Variants in CLMN observed in about 807,000 individuals in gnomAD.
CLMN encodes the protein calmin (calponin-like, transmembrane).
A neutral mutation model predicts 92.7 loss-of-function variants in CLMN; 57 were observed. The observed-to-expected ratio is 0.61, with a 90% CI of 0.50 to 0.77. The LOEUF (loss-of-function observed/expected upper bound fraction) is 0.77, where lower values mean the gene tolerates loss of function less well. CLMN is among the 30% of genes least tolerant of loss of function. CLMN has a pLI of 0.00. For missense variants in CLMN, 1,158 were observed against 1,237.5 expected (o/e 0.94, Z 0.96); for synonymous variants, 466 against 470.6 (o/e 0.99, Z 0.13).
At chr14:95,220,418 C>A (rs887575418) in intron 4 of CLMN, among the ~76,000 whole-genome samples, 7 of 152,132 alleles carry the variant, frequency 4.6e-5, no homozygotes, top group Non-Finnish European at 8.8e-5. Context: ...CTCAGGTGAT[C>A]CACCCGCCTC....
intron 1 of CLMN, among the ~76,000 whole-genome samples, chr14:95,232,772 GAGA>G (rs1425784879): frequency 1.3e-5 from 2 of 152,186 alleles, no homozygotes; most frequent in African/African-American, 4.8e-5. Flanking sequence ...AGCTCTATCG[GAGA>G]TCCTTCCACT....
At chr14:95,312,600 C>G (rs932478350) in intron 1 of CLMN, among the ~76,000 whole-genome samples, 8 of 152,192 alleles carry the variant, frequency 5.3e-5, no homozygotes, top group African/African-American at 1.9e-4. Flanking sequence ...CGTAGGGAGG[C>G]TGGCCGGCCT....
chr14:95,319,474 C>T (rs1366080489), intron 1 of CLMN, among the ~76,000 whole-genome samples: 4 of 152,186 alleles, frequency 2.6e-5, no homozygotes, highest in Non-Finnish European at 4.4e-5. Context: ...AGCCCTCGCC[C>T]CACAACACAC....
In CLMN at chr14:95,202,819, A is replaced by G; in HGVS notation, c.2511+19T>C. 6.6e-7 allele frequency: 1 copy of G among 1,508,956 alleles called. No homozygotes were observed. The highest frequency in any genetic ancestry group is 8.9e-7 in the Non-Finnish European group (1 of 1,129,512). The allele number at this position is 1,508,956 out of a possible 1,614,324, so 93.5% of individuals were successfully genotyped here. On this transcript the variant is annotated intron_variant, in intron 9 of 12. Coordinates refer to ENST00000298912, the MANE Select transcript of CLMN (RefSeq NM_024734.4). Reference sequence around the variant, plus strand: ...TTCCCAGGCAGGACCCAGGGTTCCCAAATCCCACGGTTGAGTACCTGATGG... The same window carrying G: ...TTCCCAGGCAGGACCCAGGGTTCCCGAATCCCACGGTTGAGTACCTGATGG...
chr14:95,303,115 C>A lies in CLMN; in HGVS notation c.82+16596G>T, dbSNP rs1039839233. ...TCTGATAGAGGCTCAAGCAGGATAA[C>A]TTTTAATCCTGCCATGAAGAAAAGC... On this transcript the variant is annotated intron_variant, in intron 1 of 12. Coordinates refer to ENST00000298912, the MANE Select transcript of CLMN (RefSeq NM_024734.4). 4.6e-5 allele frequency among the ~76,000 whole-genome samples: 7 copies of A among 152,220 alleles called. No individual in the cohort carries two copies. The East Asian group carries it at 1.2e-3, about 25-fold the overall frequency.
intron 1 of CLMN, among the ~76,000 whole-genome samples, chr14:95,299,703 C>T (rs775411943): frequency 6.6e-6 from 1 of 152,284 alleles, no homozygotes; most frequent in East Asian, 1.9e-4. Context: ...GTGATCATCA[C>T]CCTATGCCAC....
Position 95,257,408 on chromosome 14 carries a change from C to A in CLMN, c.83-27275G>T, listed in dbSNP as rs543985487. Among the ~76,000 whole-genome samples the A allele has an allele frequency of 6.8e-4, 104 of 152,056 alleles. 6 individuals are homozygous for A. The South Asian group carries it at 0.021, about 30-fold the overall frequency. On this transcript the variant is annotated intron_variant, in intron 1 of 12. Transcript: ENST00000298912. ...AAGGTGTCTATTCATTGACATAGACCCTGCAGGAGCCATTTGTTTTGTTCA... is the reference window on the plus strand; with the variant it reads ...AAGGTGTCTATTCATTGACATAGACACTGCAGGAGCCATTTGTTTTGTTCA...
chr14:95,205,732 T>G (rs12894241), intron 8 of CLMN, among the ~76,000 whole-genome samples: 16,987 of 152,116 alleles, frequency 0.11, 1,500 homozygotes, highest in African/African-American at 0.24. Context: ...GTACTTGAAG[T>G]AGTATATTAA....
chr14:95,290,860 G>A (rs1450930763), intron 1 of CLMN, among the ~76,000 whole-genome samples: 1 of 152,154 alleles, frequency 6.6e-6, no homozygotes, highest in Non-Finnish European at 1.5e-5. Flanking sequence ...TGCAGTAGGT[G>A]CTCAATGAAT....
At position 95,204,321 on chromosome 14, in the gene CLMN, C is replaced by A; in HGVS notation, c.1028G>T (p.Ser343Ile). 3.7e-6 allele frequency: 6 copies of A among 1,614,126 alleles called. No individual in the cohort carries two copies. Among genetic ancestry groups the A allele is most frequent in the Non-Finnish European group, 5.1e-6 (6 of 1,180,024 alleles). Residue 343 changes from serine to isoleucine, a missense_variant, in exon 9 of 13, where the codon AGC becomes ATC. Physicochemically the swap from Ser to Ile is moderately radical, Grantham distance 142. Coordinates refer to ENST00000298912, the MANE Select transcript of CLMN (RefSeq NM_024734.4). Reference protein sequence around the residue: ...ERTYTVNHETSHPPPSKVFVC... With the variant: ...ERTYTVNHETIHPPPSKVFVC... ...AAAGACTTTGGAGGGTGGTGGGTGG[C>A]TGGTTTCATGGTTAACAGTGTAGGT...
At chr14:95,262,592 A>G (rs1899301751) in intron 1 of CLMN, among the ~76,000 whole-genome samples, 1 of 151,922 alleles carries the variant, frequency 6.6e-6, no homozygotes, top group Non-Finnish European at 1.5e-5. Context: ...TTGAGACAGG[A>G]TCTTACTCTA....
chr14:95,223,444 A>C (rs1897610620), intron 3 of CLMN, among the ~76,000 whole-genome samples: 1 of 151,906 alleles, frequency 6.6e-6, no homozygotes, highest in Non-Finnish European at 1.5e-5. Context: ...CAATTTTTCC[A>C]CTTCTCAGCG....
At chr14:95,212,438 T>C (rs982984169) in intron 6 of CLMN, among the ~76,000 whole-genome samples, 4 of 152,174 alleles carry the variant, frequency 2.6e-5, no homozygotes, top group South Asian at 2.1e-4. Context: ...AAAGGCCTGA[T>C]ACAAAACTGC....
chr14:95,306,294 T>C (rs1207221538), intron 1 of CLMN, among the ~76,000 whole-genome samples: 2 of 152,080 alleles, frequency 1.3e-5, no homozygotes, highest in Non-Finnish European at 2.9e-5. Flanking sequence ...GGCAGATTAC[T>C]TAAAGTCAGG....
At chr14:95,281,939 C>T (rs911959460) in intron 1 of CLMN, among the ~76,000 whole-genome samples, 1 of 152,140 alleles carries the variant, frequency 6.6e-6, no homozygotes, top group African/African-American at 2.4e-5. Flanking sequence ...AGGCTAGGGG[C>T]GGGCTCCACC....
intron 1 of CLMN, among the ~76,000 whole-genome samples, chr14:95,242,776 C>T (rs1898305330): frequency 6.6e-6 from 1 of 150,404 alleles, no homozygotes; most frequent in African/African-American, 2.4e-5. Flanking sequence ...ACTATATAGG[C>T]CAAGATGGTC....
intron 1 of CLMN, among the ~76,000 whole-genome samples, chr14:95,230,884 A>G (rs1408214165): frequency 6.6e-6 from 1 of 152,230 alleles, no homozygotes; most frequent in African/African-American, 2.4e-5. Flanking sequence ...TGCTGAGCCA[A>G]TGTGAACCGA....
At chr14:95,245,914 G>GGATA (rs1419977963) in intron 1 of CLMN, among the ~76,000 whole-genome samples, 1 of 109,796 alleles carries the variant, frequency 9.1e-6, no homozygotes, top group Non-Finnish European at 2.4e-5. Flanking sequence ...ATGGATGGAT[G>GGATA]GATGGATGGA....
In CLMN at chr14:95,196,638, C is replaced by T. The variant is rs142393118; in HGVS notation, c.2568G>A (p.Thr856=). The T allele has an allele frequency of 1.9e-5, 31 of 1,613,828 alleles. No individual in the cohort carries two copies. Among genetic ancestry groups the T allele is most frequent in the South Asian group, 7.7e-5 (7 of 91,068 alleles). Residue 856 remains threonine (T), a synonymous_variant, in exon 10 of 13, where the codon ACG becomes ACA. Transcript: ENST00000298912. ...TTTTTTTACTACTGATTGATTCTTT[C>T]GTTACATTTTCTTCTAGGGGGTTTG... The part of the protein sequence containing the change: ...NIANPLEENV[T]KESISSKKKE...
Sources: allele counts gnomAD v4.1 joint callset (sites outside exome capture counted in the v4.1 genomes callset), GRCh38; gene constraint gnomAD v4.1.1; transcripts MANE v1.5; gene names NCBI Gene and HGNC (gene_info 2026-07-23, HGNC 2026-07-21).